KLF12: variants seen among roughly 807,000 people sequenced by gnomAD.
KLF12 encodes the protein Krueppel-like factor 12.
KLF12 carries 9 observed loss-of-function variants against 37.8 expected under a neutral mutation model. The ratio of observed to expected loss-of-function variants is 0.24; its 90% CI spans 0.14 to 0.42. The LOEUF is 0.42. Among genes scored for constraint, KLF12 ranks in the 10% least tolerant of loss-of-function variants. The pLI is 1.00. For synonymous variants in KLF12, 208 were observed against 202.1 expected (o/e 1.03, Z -0.25); for missense variants, 411 against 516.0 (o/e 0.80, Z 1.97).
chr13:73,805,673 G>T (rs1882561789), intron 5 of KLF12, among the ~76,000 whole-genome samples: 1 of 117,394 alleles, frequency 8.5e-6, no homozygotes, highest in Admixed American at 8.3e-5. Context: ...AGGAAGGAAG[G>T]AAGGAAGGAA....
chr13:73,818,262 T>G (rs937950965), intron 4 of KLF12, among the ~76,000 whole-genome samples: 5 of 152,216 alleles, frequency 3.3e-5, no homozygotes, highest in Non-Finnish European at 7.3e-5. Context: ...TCTCCTGCCT[T>G]GGCCTCCCAA....
chr13:74,248,764 G>C, the KLF12 span, among the ~76,000 whole-genome samples: 1 of 152,166 alleles, frequency 6.6e-6, no homozygotes, highest in Non-Finnish European at 1.5e-5. Context: ...AAAGGAAGTG[G>C]AGCATTGGGT....
chr13:74,246,677 T>C, the KLF12 span, among the ~76,000 whole-genome samples: 7 of 152,304 alleles, frequency 4.6e-5, no homozygotes, highest in South Asian at 1.5e-3. Flanking sequence ...ATGGCAAAGA[T>C]CACCTCAGTG....
At chr13:73,859,447 G>A (rs1885799251) in intron 3 of KLF12, among the ~76,000 whole-genome samples, 1 of 152,226 alleles carries the variant, frequency 6.6e-6, no homozygotes, top group African/African-American at 2.4e-5. Context: ...TGGAGAGGAA[G>A]AGAAAGACCT....
At chr13:73,904,957 CAA>C (rs59392777) in intron 3 of KLF12, among the ~76,000 whole-genome samples, 2 of 138,728 alleles carry the variant, frequency 1.4e-5, no homozygotes. Context: ...TTATCCTAAG[CAA>C]AAAAAAAAAA....
At chr13:74,202,230 C>T in the KLF12 span, among the ~76,000 whole-genome samples, 7 of 152,128 alleles carry the variant, frequency 4.6e-5, no homozygotes, top group Admixed American at 4.6e-4. Context: ...GGGAGAAAGA[C>T]ACAGAGGGAG....
intron 7 of KLF12, among the ~76,000 whole-genome samples, chr13:73,708,455 T>C (rs950886166): frequency 5.3e-5 from 8 of 152,232 alleles, no homozygotes; most frequent in Admixed American, 3.3e-4. Context: ...TGTAATATTC[T>C]GCAGAACACT....
chr13:73,919,004 C>T (rs1427462926), intron 3 of KLF12, among the ~76,000 whole-genome samples: 2 of 152,156 alleles, frequency 1.3e-5, no homozygotes, highest in African/African-American at 4.8e-5. Flanking sequence ...ATGCCACAAG[C>T]TAAACGGGTA....
chr13:73,888,796 T>C (rs1372778756), intron 3 of KLF12, among the ~76,000 whole-genome samples: 1 of 152,204 alleles, frequency 6.6e-6, no homozygotes, highest in Non-Finnish European at 1.5e-5. Context: ...ACTCAAAACT[T>C]GATTCTTTGC....
chr13:73,973,757 A>G (rs1044371131), intron 2 of KLF12, among the ~76,000 whole-genome samples: 1 of 152,168 alleles, frequency 6.6e-6, no homozygotes, highest in African/African-American at 2.4e-5. Context: ...AAGAGAAGGA[A>G]GAAAACAAGC....
intron 3 of KLF12, among the ~76,000 whole-genome samples, chr13:73,848,847 C>A (rs9543473): frequency 0.58 from 88,204 of 151,890 alleles, 26,642 homozygotes; most frequent in Non-Finnish European, 0.66. Flanking sequence ...TGTAAAATCA[C>A]AGAGACAGAC....
chr13:73,872,112 G>A (rs941299510), intron 3 of KLF12, among the ~76,000 whole-genome samples: 1 of 152,082 alleles, frequency 6.6e-6, no homozygotes, highest in Non-Finnish European at 1.5e-5. Flanking sequence ...TGGGTCCTGT[G>A]CCTCATATAA....
intron 5 of KLF12, among the ~76,000 whole-genome samples, chr13:73,781,692 T>G (rs1880975996): frequency 1.3e-5 from 2 of 152,202 alleles, no homozygotes; most frequent in Admixed American, 1.3e-4. Flanking sequence ...AGAAAGCAAG[T>G]GTCTTGACAG....
chr13:74,232,807 G>A, the KLF12 span, among the ~76,000 whole-genome samples: 1 of 152,154 alleles, frequency 6.6e-6, no homozygotes, highest in African/African-American at 2.4e-5. Context: ...GCCATCCCAT[G>A]TAGGTTGACA....
At chr13:73,908,623 G>A (rs1888425780) in intron 3 of KLF12, among the ~76,000 whole-genome samples, 3 of 151,604 alleles carry the variant, frequency 2.0e-5, no homozygotes, top group Admixed American at 2.0e-4. Flanking sequence ...TGGGATTACA[G>A]GCACCCACCA....
At chr13:74,189,447 C>T in the KLF12 span, among the ~76,000 whole-genome samples, 4 of 152,196 alleles carry the variant, frequency 2.6e-5, no homozygotes, top group African/African-American at 9.6e-5. Flanking sequence ...GAGCTTAACT[C>T]GTGTATTGGA....
At chr13:74,107,856 C>A (rs1333741850) in intron 1 of KLF12, among the ~76,000 whole-genome samples, 1 of 152,188 alleles carries the variant, frequency 6.6e-6, no homozygotes, top group East Asian at 1.9e-4. Context: ...GTGCCAACAA[C>A]TGATCGAGAC....
chr13:74,166,018 G>A, the KLF12 span, among the ~76,000 whole-genome samples: 1 of 150,420 alleles, frequency 6.6e-6, no homozygotes, highest in Non-Finnish European at 1.5e-5. Flanking sequence ...TCTGGAGAAA[G>A]TGTTTAATTG....
chr13:74,299,564 G>A, the KLF12 span, among the ~76,000 whole-genome samples: 4 of 152,114 alleles, frequency 2.6e-5, no homozygotes, highest in Non-Finnish European at 5.9e-5. Flanking sequence ...ATCAACAGAA[G>A]CAAATGGAAT....
Sources: gnomAD v4.1 joint callset for allele counts (sites outside exome capture counted in the v4.1 genomes callset) on GRCh38, gnomAD v4.1.1 for gene constraint, MANE v1.5 for transcripts, NCBI Gene and HGNC (gene_info 2026-07-23, HGNC 2026-07-21) for gene names.